The following ATP8A1 variants were observed in gnomAD, a reference collection of about 807,000 sequenced individuals.
ATP8A1 encodes the protein ATPase phospholipid transporting 8A1, also known as phospholipid-transporting ATPase IA.
In ATP8A1, 90 loss-of-function variants were observed where a neutral mutation model predicts 177.7. The ratio of observed to expected loss-of-function variants is 0.51; its 90% CI spans 0.43 to 0.60. The LOEUF is 0.60. ATP8A1 is among the 20% of genes least tolerant of loss of function. The probability of loss-of-function intolerance (pLI) is 0.00; values close to 1 mark genes in which losing one functional copy is unlikely to be tolerated. For synonymous variants in ATP8A1, 493 were observed against 485.9 expected (o/e 1.01, Z -0.19); for missense variants, 1,072 against 1,392.8 (o/e 0.77, Z 3.67).
intron 25 of ATP8A1, chr4:42,471,874 G>A (rs1720456916): frequency 4.8e-6 from 3 of 618,712 alleles, no homozygotes; most frequent in Non-Finnish European, 9.4e-6. Context: ...TTAAGAGTCC[G>A]GCATCTTTCA....
intron 27 of ATP8A1, among the ~76,000 whole-genome samples, chr4:42,457,568 G>A (rs923704015): frequency 1.5e-4 from 23 of 152,152 alleles, no homozygotes; most frequent in Non-Finnish European, 2.4e-4. Context: ...TTCGTCTAAC[G>A]GACAAGATTT....
chr4:42,649,297 C>G (rs993022043), intron 1 of ATP8A1, among the ~76,000 whole-genome samples: 1 of 152,048 alleles, frequency 6.6e-6, no homozygotes, highest in Non-Finnish European at 1.5e-5. Context: ...TAACTAGTGA[C>G]AGTAGACAAA....
chr4:42,628,196 A>G (rs1038419691), intron 1 of ATP8A1, among the ~76,000 whole-genome samples: 1 of 152,202 alleles, frequency 6.6e-6, no homozygotes, highest in African/African-American at 2.4e-5. Flanking sequence ...GGGGGCAAGA[A>G]AAGCTGCTCC....
chr4:42,588,240 A>G lies in ATP8A1; in HGVS notation c.594+20T>C. On this transcript the variant is annotated intron_variant, in intron 8 of 36. Transcript: ENST00000381668. Reference sequence around the variant, plus strand: ...TAATAAAATAGCAGTGATTATACATATACTTGTATCAGATCTTACCTGTCT... The same window carrying G: ...TAATAAAATAGCAGTGATTATACATGTACTTGTATCAGATCTTACCTGTCT... 6.3e-7 allele frequency: 1 copy of G among 1,578,260 alleles called. No homozygotes were observed. The highest frequency in any genetic ancestry group is 8.7e-7 in the Non-Finnish European group (1 of 1,149,034).
chr4:42,443,774 C>A (rs1716903540), intron 32 of ATP8A1, 102 bp from the exon 33 acceptor site: 2 of 623,036 alleles, frequency 3.2e-6, no homozygotes, highest in Admixed American at 2.8e-5. Context: ...TTTATTATAT[C>A]CATAAAAATA....
intron 6 of ATP8A1, among the ~76,000 whole-genome samples, chr4:42,600,093 T>C (rs1735090768): frequency 6.6e-6 from 1 of 152,166 alleles, no homozygotes; most frequent in Non-Finnish European, 1.5e-5. Flanking sequence ...ATGTAATTAG[T>C]CTCACTATAT....
In ATP8A1 at chr4:42,435,444, AAAAAAC is replaced by A. The variant is rs1157399447; in HGVS notation, c.3123+8115_3123+8120del. Among the ~76,000 whole-genome samples, 66 of 55,878 alleles carry A rather than the reference AAAAAAC, an allele frequency of 1.2e-3. 1 individual carries two copies. Among genetic ancestry groups the A allele is most frequent in the Admixed American group, 2.0e-3 (10 of 4,946 alleles). The allele number at this position is 55,878 out of a possible 152,430, so 36.7% of individuals were successfully genotyped here. On this transcript the variant is annotated intron_variant, in intron 33 of 36. Coordinates refer to ENST00000381668, the MANE Select transcript of ATP8A1 (RefSeq NM_006095.2). ...TTCATCTCAAAAAAAAAAAAAAAAAAAAAAACAAAAAAAAAAAAACAAACTATCTCC... is the reference window on the plus strand; with the variant it reads ...TTCATCTCAAAAAAAAAAAAAAAAAAAAAAAAAAAAAAACAAACTATCTCC...
chr4:42,590,471 G>A (rs1276370768), intron 7 of ATP8A1, among the ~76,000 whole-genome samples: 1 of 152,008 alleles, frequency 6.6e-6, no homozygotes, highest in Non-Finnish European at 1.5e-5. Flanking sequence ...TAATATCCCG[G>A]AGAGATAATA....
intron 20 of ATP8A1, among the ~76,000 whole-genome samples, chr4:42,541,649 A>C (rs1169080688): frequency 6.6e-6 from 1 of 152,232 alleles, no homozygotes; most frequent in African/African-American, 2.4e-5. Context: ...GTGAACGCAT[A>C]AACTGTGGCA....
intron 12 of ATP8A1, among the ~76,000 whole-genome samples, chr4:42,577,655 AAGT>A (rs1732610477): frequency 2.0e-5 from 3 of 152,170 alleles, no homozygotes; most frequent in Admixed American, 1.3e-4. Flanking sequence ...AACATTTAGA[AAGT>A]AGATGTCCAA....
intron 4 of ATP8A1, among the ~76,000 whole-genome samples, chr4:42,618,829 C>A (rs778336986): frequency 2.0e-5 from 3 of 152,172 alleles, no homozygotes; most frequent in Non-Finnish European, 1.5e-5. Flanking sequence ...GTCTACCATA[C>A]CTGCTGAGTC....
chr4:42,581,196 C>A (rs1012202383), intron 10 of ATP8A1, among the ~76,000 whole-genome samples: 1 of 152,030 alleles, frequency 6.6e-6, no homozygotes, highest in East Asian at 1.9e-4. Context: ...TACAGTGGCG[C>A]GATCTCGGCT....
At chr4:42,451,013 C>G (rs976939166) in intron 30 of ATP8A1, among the ~76,000 whole-genome samples, 7 of 152,016 alleles carry the variant, frequency 4.6e-5, no homozygotes, top group Non-Finnish European at 8.8e-5. Context: ...CCTGAGGCAT[C>G]GGAGGGGAGA....
intron 1 of ATP8A1, among the ~76,000 whole-genome samples, chr4:42,638,258 G>A (rs966561124): frequency 6.6e-6 from 1 of 152,138 alleles, no homozygotes; most frequent in Non-Finnish European, 1.5e-5. Flanking sequence ...GCCTTTGAGG[G>A]AATTGATTTA....
chr4:42,502,719 T>C (rs1005228751), intron 24 of ATP8A1, among the ~76,000 whole-genome samples: 2 of 152,224 alleles, frequency 1.3e-5, no homozygotes, highest in Admixed American at 6.5e-5. Flanking sequence ...GCATGTGGCC[T>C]CTCAGCTTCG....
chr4:42,522,598 T>C (rs1578100512), intron 21 of ATP8A1, among the ~76,000 whole-genome samples: 1 of 152,188 alleles, frequency 6.6e-6, no homozygotes, highest in East Asian at 1.9e-4. Context: ...AATCTTCCAA[T>C]TTTTCCCCAG....
At chr4:42,556,662 A>G (rs6842429) in intron 15 of ATP8A1, among the ~76,000 whole-genome samples, 4,301 of 152,218 alleles carry the variant, frequency 0.028, 194 homozygotes, top group African/African-American at 0.098. Flanking sequence ...TATGTACTTC[A>G]TACGATATAA....
Position 42,455,532 on chromosome 4 carries a change from T to C in ATP8A1, c.2687A>G (p.Tyr896Cys), listed in dbSNP as rs1718389783. The change falls in exon 28 of 37, where the codon TAT becomes TGT. Residue 896 changes from tyrosine (Y) to cysteine (C), a missense_variant. Around this residue, in one of 5 missense-constraint regions of ATP8A1, gnomAD observed 316 missense variants for 459.1 expected, o/e 0.69. Coordinates refer to ENST00000381668, the MANE Select transcript of ATP8A1 (RefSeq NM_006095.2). ...ILFERWCIGL[Y>C]NVMFTAMPPL... Reference sequence around the variant, plus strand: ...CAAATGTCCTAAACTTACCACGTTATAGAGACCTATACACCATCTTTCAAA... The same window carrying C: ...CAAATGTCCTAAACTTACCACGTTACAGAGACCTATACACCATCTTTCAAA... The C allele has an allele frequency of 6.2e-7, 1 of 1,613,546 alleles. No individual in the cohort carries two copies. Among genetic ancestry groups the C allele is most frequent in the Non-Finnish European group, 8.5e-7 (1 of 1,179,730 alleles).
intron 25 of ATP8A1, among the ~76,000 whole-genome samples, chr4:42,476,155 C>T (rs968999099): frequency 5.9e-5 from 9 of 152,176 alleles, no homozygotes; most frequent in East Asian, 3.8e-4. Flanking sequence ...CAGCACAGGG[C>T]ATACCAGCAG....
Sources: allele counts gnomAD v4.1 joint callset (sites outside exome capture counted in the v4.1 genomes callset), GRCh38; gene constraint gnomAD v4.1.1; regional missense constraint gnomAD v4.1.1; transcripts MANE v1.5; gene names NCBI Gene and HGNC (gene_info 2026-07-23, HGNC 2026-07-21).